SCOC: variants seen among roughly 807,000 people sequenced by gnomAD.
SCOC encodes the protein short coiled-coil protein.
Under a neutral mutation model 9.9 loss-of-function variants are expected in SCOC, and 7 were observed. That is an observed-to-expected ratio of 0.71 (90% CI 0.40 to 1.33). The LOEUF (loss-of-function observed/expected upper bound fraction) is 1.33, where lower values mean the gene tolerates loss of function less well. Ranked by LOEUF, SCOC falls within the 40% of genes most tolerant of loss-of-function variation. The pLI is 0.01. For synonymous variants in SCOC, 19 were observed against 28.2 expected (o/e 0.67, Z 1.03); for missense variants, 66 against 89.7 (o/e 0.74, Z 1.07).
intron 3 of SCOC, among the ~76,000 whole-genome samples, chr4:140,380,203 T>C (rs1201943055): frequency 2.7e-5 from 4 of 145,500 alleles, no homozygotes; most frequent in South Asian, 2.2e-4. Flanking sequence ...TCTTTTTTTT[T>C]TTTTTTTTTT....
At chr4:140,312,499 G>T (rs900862870) in intron 1 of SCOC, among the ~76,000 whole-genome samples, 1 of 152,086 alleles carries the variant, frequency 6.6e-6, no homozygotes, top group Non-Finnish European at 1.5e-5. Context: ...TGCCGTTATA[G>T]CTCACTGTAA....
chr4:140,289,295 C>T (rs543238335), intron 1 of SCOC, among the ~76,000 whole-genome samples: 2 of 152,300 alleles, frequency 1.3e-5, no homozygotes, highest in African/African-American at 2.4e-5. Context: ...GCACACACTG[C>T]GTCCTAGAGA....
At chr4:140,334,357 T>C (rs1732897576) in intron 1 of SCOC, among the ~76,000 whole-genome samples, 1 of 152,220 alleles carries the variant, frequency 6.6e-6, no homozygotes, top group African/African-American at 2.4e-5. Flanking sequence ...TTTATCACTT[T>C]ATTGCCAAAG....
At chr4:140,259,093 A>G (rs2126383472) in intron 1 of SCOC, among the ~76,000 whole-genome samples, 1 of 152,380 alleles carries the variant, frequency 6.6e-6, no homozygotes, top group South Asian at 2.1e-4. Context: ...TTATTACTGA[A>G]GCTAATATAA....
chr4:140,291,657 T>C (rs1669601638), intron 1 of SCOC: 2 of 380,174 alleles, frequency 5.3e-6, no homozygotes, highest in African/African-American at 4.2e-5. Flanking sequence ...TAATATGTTC[T>C]GGGAATAAAA....
rs535123009 is a variant in SCOC, at chr4:140,349,533, G to A, written c.70+5825G>A. ...GATTCATAATCCAATTGCTTGCCTA[G>A]ATATCTCCCAGGTGTCAAATAAACT... On this transcript the variant is annotated intron_variant, in intron 2 of 4. Coordinates refer to the SCOC transcript ENST00000338517. 2.6e-5 allele frequency among the ~76,000 whole-genome samples: 4 copies of A among 152,158 alleles called. No individual in the cohort carries two copies. In the East Asian group the frequency reaches 7.7e-4, roughly 29 times the overall value.
chr4:140,360,057 A>T (rs932071625), intron 2 of SCOC, among the ~76,000 whole-genome samples: 1 of 152,198 alleles, frequency 6.6e-6, no homozygotes, highest in African/African-American at 2.4e-5. Flanking sequence ...TAAGACTGAC[A>T]GGTCCCTTGA....
At chr4:140,346,114 C>A (rs976042610) in intron 2 of SCOC, among the ~76,000 whole-genome samples, 1 of 152,164 alleles carries the variant, frequency 6.6e-6, no homozygotes, top group South Asian at 2.1e-4. Flanking sequence ...TCCATCTGAG[C>A]ACCCTTCTCA....
intron 1 of SCOC, among the ~76,000 whole-genome samples, chr4:140,276,480 TTGAGACAGAGTCTCACTC>T (rs1730986293): frequency 6.6e-6 from 1 of 151,716 alleles, no homozygotes; most frequent in Admixed American, 6.6e-5. Flanking sequence ...TTTTGTTTGT[TTGAGACAGAGTCTCACTC>T]TGTCGCTTAG....
chr4:140,287,931 CAT>C (rs1731345063), intron 1 of SCOC, among the ~76,000 whole-genome samples: 1 of 152,024 alleles, frequency 6.6e-6, no homozygotes, highest in African/African-American at 2.4e-5. Context: ...ACCTGCACCA[CAT>C]ATGTGTGTGG....
chr4:140,327,003 C>A (rs978442410), intron 1 of SCOC, among the ~76,000 whole-genome samples: 1 of 152,196 alleles, frequency 6.6e-6, no homozygotes, highest in African/African-American at 2.4e-5. Flanking sequence ...ATCATTTTCA[C>A]AGCAAACCTT....
At chr4:140,291,349 C>T (rs1243044672) in intron 1 of SCOC, 8 of 454,680 alleles carry the variant, frequency 1.8e-5, no homozygotes, top group Non-Finnish European at 3.1e-5. Flanking sequence ...GTCCTAAAGA[C>T]TTCACGTGGT....
intron 2 of SCOC, among the ~76,000 whole-genome samples, chr4:140,355,224 T>TATG (rs531833785): frequency 0.4 from 32,314 of 79,914 alleles, 3,961 homozygotes; most frequent in South Asian, 0.47. Context: ...TATATATATA[T>TATG]ATATATATAT....
chr4:140,356,047 G>C (rs1378269916), intron 2 of SCOC, among the ~76,000 whole-genome samples: 1 of 152,164 alleles, frequency 6.6e-6, no homozygotes, highest in Non-Finnish European at 1.5e-5. Context: ...GGTGATACAT[G>C]TGAAAAGTTG....
chr4:140,300,239 A>G (rs1480143961), intron 1 of SCOC, among the ~76,000 whole-genome samples: 1 of 152,208 alleles, frequency 6.6e-6, no homozygotes, highest in Non-Finnish European at 1.5e-5. Flanking sequence ...GAATTGTTTC[A>G]TATCATAAAG....
At chr4:140,281,724 C>T (rs1352095413) in intron 1 of SCOC, among the ~76,000 whole-genome samples, 1 of 152,164 alleles carries the variant, frequency 6.6e-6, no homozygotes. Flanking sequence ...TTCACTTGAG[C>T]CTTCTCCTTG....
In SCOC at chr4:140,381,839, T is replaced by A. The variant is rs1159134176; in HGVS notation, c.*735T>A. The A allele has an allele frequency of 6.6e-6, 1 of 152,228 alleles. No individual in the cohort carries two copies. Among genetic ancestry groups the A allele is most frequent in the Non-Finnish European group, 1.5e-5 (1 of 68,024 alleles). 9.4% of individuals were successfully genotyped at this position (152,228 alleles called of 1,614,324 possible). On this transcript the variant is annotated 3_prime_UTR_variant, in exon 4 of 4. Transcript: ENST00000608372. ...ACTCATTTTGTATTATCTGAAAATA[T>A]ATAATTTCTGGTCATGTGTATGTTA... is the stretch of plus-strand genomic sequence containing the variant.
chr4:140,277,096 G>A (rs536817066), intron 1 of SCOC, among the ~76,000 whole-genome samples: 14 of 152,240 alleles, frequency 9.2e-5, no homozygotes, highest in African/African-American at 3.1e-4. Flanking sequence ...AAATTATATT[G>A]TTATTCCCCC....
At chr4:140,365,844 TTGAC>T (rs1727770255) in intron 2 of SCOC, among the ~76,000 whole-genome samples, 1 of 152,264 alleles carries the variant, frequency 6.6e-6, no homozygotes, top group Non-Finnish European at 1.5e-5. Context: ...TATGTGTTAA[TTGAC>T]TGTTTATGTT....
Sources: allele counts gnomAD v4.1 joint callset (sites outside exome capture counted in the v4.1 genomes callset), GRCh38; gene constraint gnomAD v4.1.1; transcripts MANE v1.5; gene names NCBI Gene and HGNC (gene_info 2026-07-23, HGNC 2026-07-21).